Variants in GPR158 observed in about 807,000 individuals in gnomAD.
GPR158 encodes the protein G protein-coupled receptor 158.
A neutral mutation model predicts 78.2 loss-of-function variants in GPR158; 30 were observed. The observed-to-expected ratio is 0.38, with a 90% CI of 0.29 to 0.52. GPR158 has a LOEUF of 0.52. Among genes scored for constraint, GPR158 ranks in the 20% least tolerant of loss-of-function variants. The pLI is 0.83. For synonymous variants in GPR158, 581 were observed against 591.1 expected (o/e 0.98, Z 0.25); for missense variants, 1,463 against 1,523.5 (o/e 0.96, Z 0.66).
chr10:25,321,041 G>T (rs1345586199), intron 2 of GPR158, among the ~76,000 whole-genome samples: 1 of 152,146 alleles, frequency 6.6e-6, no homozygotes, highest in Non-Finnish European at 1.5e-5. Flanking sequence ...GGTCTAAGTG[G>T]ACTTATTTTT....
chr10:25,487,176 G>T (rs1835746017), intron 5 of GPR158, among the ~76,000 whole-genome samples: 1 of 151,990 alleles, frequency 6.6e-6, no homozygotes, highest in Non-Finnish European at 1.5e-5. Context: ...ATGCTCATCA[G>T]GTGATCTTGA....
intron 5 of GPR158, among the ~76,000 whole-genome samples, chr10:25,536,668 CT>C (rs747715191): frequency 5.1e-4 from 77 of 152,172 alleles, no homozygotes; most frequent in Non-Finnish European, 7.9e-4. Context: ...TAAACTGCAT[CT>C]TTTTTTTAGT....
intron 5 of GPR158, among the ~76,000 whole-genome samples, chr10:25,488,278 T>C (rs1835760140): frequency 6.6e-6 from 1 of 152,134 alleles, no homozygotes; most frequent in Non-Finnish European, 1.5e-5. Context: ...TTGTCAGAAT[T>C]TAATCACAAG....
At chr10:25,514,781 T>G (rs982959498) in intron 5 of GPR158, among the ~76,000 whole-genome samples, 3 of 152,176 alleles carry the variant, frequency 2.0e-5, no homozygotes, top group African/African-American at 7.2e-5. Flanking sequence ...AAGCTTTGTT[T>G]TGCTGGATAC....
At chr10:25,206,196 C>G (rs1409295593) in intron 1 of GPR158, among the ~76,000 whole-genome samples, 2 of 152,042 alleles carry the variant, frequency 1.3e-5, no homozygotes, top group Admixed American at 1.3e-4. Flanking sequence ...ACCGTGTTAG[C>G]CAGGATGGTC....
intron 2 of GPR158, among the ~76,000 whole-genome samples, chr10:25,265,513 C>A (rs1478273654): frequency 6.6e-6 from 1 of 152,072 alleles, no homozygotes; most frequent in Admixed American, 6.6e-5. Flanking sequence ...TTTAATAATG[C>A]AGCCTATGCC....
chr10:25,212,672 C>A (rs1012349238), intron 1 of GPR158, among the ~76,000 whole-genome samples: 9 of 89,368 alleles, frequency 1.0e-4, no homozygotes, highest in Non-Finnish European at 1.6e-4. Context: ...GCTTTTGTTG[C>A]CCAGGCTAGA....
chr10:25,548,983 A>T (rs527610461), intron 5 of GPR158, among the ~76,000 whole-genome samples: 2 of 152,294 alleles, frequency 1.3e-5, no homozygotes, highest in South Asian at 4.1e-4. Flanking sequence ...AGTAAAAATT[A>T]TGCAGACTTC....
At chr10:25,539,375 T>G (rs2130701271) in intron 5 of GPR158, among the ~76,000 whole-genome samples, 1 of 152,336 alleles carries the variant, frequency 6.6e-6, no homozygotes, top group South Asian at 2.1e-4. Context: ...GATCTTATTC[T>G]GGTTCAGAGA....
intron 3 of GPR158, among the ~76,000 whole-genome samples, chr10:25,401,988 G>C (rs1446364312): frequency 6.6e-6 from 1 of 151,990 alleles, no homozygotes; most frequent in Non-Finnish European, 1.5e-5. Context: ...TTGCCTCTAA[G>C]TATCTCTCCA....
At chr10:25,253,548 C>T (rs921059415) in intron 2 of GPR158, among the ~76,000 whole-genome samples, 1 of 152,188 alleles carries the variant, frequency 6.6e-6, no homozygotes, top group Non-Finnish European at 1.5e-5. Context: ...TTGGTAATGT[C>T]ATTCAGAATC....
At chr10:25,581,319 C>G (rs1341339183) in intron 7 of GPR158, among the ~76,000 whole-genome samples, 1 of 152,184 alleles carries the variant, frequency 6.6e-6, no homozygotes, top group Non-Finnish European at 1.5e-5. Context: ...TCCTCCCTCC[C>G]AAGCTACTGG....
intron 2 of GPR158, among the ~76,000 whole-genome samples, chr10:25,319,263 T>A (rs1854909189): frequency 6.6e-6 from 1 of 152,214 alleles, no homozygotes; most frequent in South Asian, 2.1e-4. Context: ...GTGTCCATCC[T>A]TAGGAGCCTG....
At chr10:25,356,272 C>T (rs141240692) in intron 2 of GPR158, among the ~76,000 whole-genome samples, 80 of 152,018 alleles carry the variant, frequency 5.3e-4, no homozygotes, top group African/African-American at 1.9e-3. Context: ...TATTTGAGTT[C>T]TGGGGTATTG....
At position 25,598,431 on chromosome 10, in the gene GPR158, G is replaced by C. The variant is rs775803880; in HGVS notation, c.2805G>C (p.Leu935Phe). The change falls in exon 11 of 11, where the codon TTG becomes TTC. Residue 935 changes from leucine to phenylalanine, a missense_variant. By Grantham distance (22) the Leu-to-Phe change is conservative. Transcript: ENST00000376351. ...AACGCACTAAATCCCAGAAACCTTT[G>C]CCAAAAGATAAAGAGACAAACAGAA... ...VEERTKSQKP[L>F]PKDKETNRNH... 1 of 1,613,998 alleles carries C rather than the reference G, an allele frequency of 6.2e-7. No individual in the cohort carries two copies. The highest frequency in any genetic ancestry group is 8.5e-7 in the Non-Finnish European group (1 of 1,180,000).
intron 2 of GPR158, among the ~76,000 whole-genome samples, chr10:25,389,823 A>G (rs1326532501): frequency 6.6e-6 from 1 of 152,068 alleles, no homozygotes; most frequent in Non-Finnish European, 1.5e-5. Flanking sequence ...TGGGCACCAC[A>G]CCACGTTTCT....
intron 2 of GPR158, among the ~76,000 whole-genome samples, chr10:25,241,169 CTTTCTTTCTTT>C (rs1437564153): frequency 1.5e-4 from 17 of 110,160 alleles, no homozygotes; most frequent in Admixed American, 3.8e-4. Flanking sequence ...TTCTTTCTTT[CTTTCTTTCTTT>C]CTTTCTTTCC....
At chr10:25,206,230 G>A (rs1373686862) in intron 1 of GPR158, among the ~76,000 whole-genome samples, 6 of 152,046 alleles carry the variant, frequency 3.9e-5, no homozygotes, top group South Asian at 2.1e-4. Context: ...CTCGTGATCC[G>A]CCTGTCTCGG....
In GPR158 at chr10:25,598,741, A is replaced by T; in HGVS notation, c.3115A>T (p.Asn1039Tyr). Reference protein sequence around the residue: ...VSIVASEMEKNPTFSLKEKSH... With the variant: ...VSIVASEMEKYPTFSLKEKSH... ...TATTGTGGCTTCTGAAATGGAGAAAAACCCCACTTTTTCCTTAAAGGAGAA... is the reference window on the plus strand; with the variant it reads ...TATTGTGGCTTCTGAAATGGAGAAATACCCCACTTTTTCCTTAAAGGAGAA... The change falls in exon 11 of 11, where the codon AAC (asparagine) becomes TAC (tyrosine). Residue 1039 changes from asparagine to tyrosine, a missense_variant. Transcript: ENST00000376351. The T allele has an allele frequency of 6.2e-7, 1 of 1,614,066 alleles. No individual in the cohort carries two copies. Among genetic ancestry groups the T allele is most frequent in the Non-Finnish European group, 8.5e-7 (1 of 1,180,008 alleles).
Sources: allele counts gnomAD v4.1 joint callset (sites outside exome capture counted in the v4.1 genomes callset), GRCh38; gene constraint gnomAD v4.1.1; transcripts MANE v1.5; gene names NCBI Gene and HGNC (gene_info 2026-07-23, HGNC 2026-07-21).